The following ARHGAP22 variants were observed in gnomAD, a reference collection of about 807,000 sequenced individuals.
The protein encoded by ARHGAP22 is rho GTPase-activating protein 22.
In ARHGAP22, 48 loss-of-function variants were observed where a neutral mutation model predicts 59.1. The ratio of observed to expected loss-of-function variants is 0.81; its 90% CI spans 0.64 to 1.03. The LOEUF (loss-of-function observed/expected upper bound fraction) is 1.03, where lower values mean the gene tolerates loss of function less well. ARHGAP22 is among the 50% of genes least tolerant of loss of function. ARHGAP22 has a pLI of 0.00. For missense variants in ARHGAP22, 1,015 were observed against 958.7 expected (o/e 1.06, Z -0.78); for synonymous variants, 445 against 416.4 (o/e 1.07, Z -0.84).
intron 4 of ARHGAP22, 174 bp downstream of exon 4, chr10:48,479,462 C>A (rs1408998489): frequency 1.4e-5 from 16 of 1,175,336 alleles, no homozygotes. Flanking sequence ...TACACGGCAG[C>A]CGTTGGGTGA....
chr10:48,586,142 C>T (rs1025050186), intron 1 of ARHGAP22, among the ~76,000 whole-genome samples: 2 of 152,050 alleles, frequency 1.3e-5, no homozygotes, highest in Non-Finnish European at 2.9e-5. Flanking sequence ...ATGGACACAC[C>T]GTACATTGCT....
At chr10:48,544,838 C>T (rs964650611) in intron 3 of ARHGAP22, among the ~76,000 whole-genome samples, 2 of 152,106 alleles carry the variant, frequency 1.3e-5, no homozygotes, top group Non-Finnish European at 2.9e-5. Flanking sequence ...ATATATGTAT[C>T]AAAACATCAC....
In ARHGAP22 at chr10:48,459,665, C is replaced by G. The variant is rs1416729341; in HGVS notation, c.659+19G>C. The G allele has an allele frequency of 6.2e-7, 1 of 1,613,534 alleles. No homozygotes were observed. Among genetic ancestry groups the G allele is most frequent in the Non-Finnish European group, 8.5e-7 (1 of 1,179,478 alleles). ...GGAATGGACAAATGGCTCCACCTTACCCCCGATCACAAGCTCACCTGTCAA... is the reference window on the plus strand; with the variant it reads ...GGAATGGACAAATGGCTCCACCTTAGCCCCGATCACAAGCTCACCTGTCAA... On this transcript the variant is annotated intron_variant, in intron 5 of 9. Transcript: ENST00000249601.
At chr10:48,564,498 G>C (rs1434370881) in intron 2 of ARHGAP22, among the ~76,000 whole-genome samples, 1 of 152,204 alleles carries the variant, frequency 6.6e-6, no homozygotes, top group African/African-American at 2.4e-5. Flanking sequence ...TGGTGGGAAT[G>C]GTGAAGGAGC....
intron 3 of ARHGAP22, among the ~76,000 whole-genome samples, chr10:48,485,236 G>A (rs2049738064): frequency 6.6e-6 from 1 of 152,068 alleles, no homozygotes; most frequent in African/African-American, 2.4e-5. Context: ...GTTTCTTCCA[G>A]AGTTCAGTGC....
At chr10:48,559,759 T>G (rs545922973) in intron 2 of ARHGAP22, among the ~76,000 whole-genome samples, 1 of 152,342 alleles carries the variant, frequency 6.6e-6, no homozygotes, top group East Asian at 1.9e-4. Flanking sequence ...ATTTAACATA[T>G]TTATTTATAT....
intron 2 of ARHGAP22, among the ~76,000 whole-genome samples, chr10:48,581,353 T>C (rs568552781): frequency 6.6e-6 from 1 of 152,358 alleles, no homozygotes; most frequent in East Asian, 1.9e-4. Flanking sequence ...TCTCCCCAGT[T>C]TGCAAACTGT....
At chr10:48,648,911 G>A (rs2062432282) in intron 1 of ARHGAP22, among the ~76,000 whole-genome samples, 1 of 152,110 alleles carries the variant, frequency 6.6e-6, no homozygotes, top group Non-Finnish European at 1.5e-5. Flanking sequence ...GCCCATGGAT[G>A]TGACAGTGCT....
intron 1 of ARHGAP22, among the ~76,000 whole-genome samples, chr10:48,633,305 G>A (rs2061691215): frequency 6.6e-6 from 1 of 152,250 alleles, no homozygotes. Context: ...TGCAGTGACT[G>A]CATGCTGGAG....
intron 3 of ARHGAP22, among the ~76,000 whole-genome samples, chr10:48,519,085 C>T (rs1052617196): frequency 2.0e-5 from 3 of 152,046 alleles, no homozygotes; most frequent in Non-Finnish European, 4.4e-5. Flanking sequence ...ATGTGCAGGC[C>T]CCTAGGGACA....
Position 48,450,937 on chromosome 10 carries a change from C to G in ARHGAP22, c.1192G>C (p.Gly398Arg). 7 of 1,587,248 alleles carry G rather than the reference C, an allele frequency of 4.4e-6. No individual in the cohort carries two copies. Among genetic ancestry groups the G allele is most frequent in the Admixed American group, 1.8e-5 (1 of 56,630 alleles). Reference sequence around the variant, plus strand: ...CTGGAGAGCACCGCCACGGCCGCCCCGTCCAGGGAAGAGGTCCTGTGCGCG... The same window carrying G: ...CTGGAGAGCACCGCCACGGCCGCCCGGTCCAGGGAAGAGGTCCTGTGCGCG... ...LPAHRTSSLD[G>R]AAVAVLSRTA... Residue 398 changes from glycine (G) to arginine (R), a missense_variant, in exon 9 of 10, where the codon GGG becomes CGG. By Grantham distance (125) the Gly-to-Arg change is moderately radical. Coordinates refer to ENST00000249601, the MANE Select transcript of ARHGAP22 (RefSeq NM_021226.4).
In ARHGAP22 at chr10:48,460,697, C is replaced by T. The variant is rs373504074; in HGVS notation, c.452-806G>A. Among the ~76,000 whole-genome samples, 9 of 151,612 alleles carry T rather than the reference C, an allele frequency of 5.9e-5. No homozygotes were observed. The South Asian group carries it at 1.3e-3, about 21-fold the overall frequency. On this transcript the variant is annotated intron_variant, in intron 4 of 9. Transcript: ENST00000249601. ...CACCCATGTTCACAGCAGCATTATTCACAGTAGCTGAAATGCGGAAGCAAG... is the reference window on the plus strand; with the variant it reads ...CACCCATGTTCACAGCAGCATTATTTACAGTAGCTGAAATGCGGAAGCAAG...
chr10:48,506,808 C>T (rs1184598972), intron 3 of ARHGAP22, among the ~76,000 whole-genome samples: 1 of 152,138 alleles, frequency 6.6e-6, no homozygotes, highest in African/African-American at 2.4e-5. Context: ...TAGATGTTCT[C>T]GCATTCAAGC....
intron 3 of ARHGAP22, among the ~76,000 whole-genome samples, chr10:48,488,002 G>A (rs2050019008): frequency 1.3e-5 from 2 of 152,202 alleles, no homozygotes; most frequent in Admixed American, 6.5e-5. Context: ...GCAATGAGCT[G>A]TAATCATGCA....
chr10:48,539,349 T>C lies in ARHGAP22; in HGVS notation c.322+16114A>G, dbSNP rs540537498. 7.0e-4 allele frequency among the ~76,000 whole-genome samples: 99 copies of C among 141,148 alleles called. 1 individual carries two copies. In the Middle Eastern group the frequency reaches 0.011, roughly 16 times the overall value. 92.6% of individuals were successfully genotyped at this position (141,148 alleles called of 152,430 possible). On this transcript the variant is annotated intron_variant, in intron 3 of 9. Transcript: ENST00000249601. ...CTCTGTCGCCCAGGCTGGAGTGCAG[T>C]GGCGCGATCTCGGCTCACTGCAAGC... is the stretch of plus-strand genomic sequence containing the variant.
Position 48,604,947 on chromosome 10 carries a change from C to T in ARHGAP22, c.-151G>A. 6.5e-7 allele frequency: 1 copy of T among 1,530,604 alleles called. No individual in the cohort carries two copies. Among genetic ancestry groups the T allele is most frequent in the Non-Finnish European group, 8.8e-7 (1 of 1,142,234 alleles). 94.8% of individuals were successfully genotyped at this position (1,530,604 alleles called of 1,614,324 possible). ...ACCCGTCAGGCTCCCTCGGCTACCTCTCCTGGCTCCGGACGGACGGCTCGC... is the reference window on the plus strand; with the variant it reads ...ACCCGTCAGGCTCCCTCGGCTACCTTTCCTGGCTCCGGACGGACGGCTCGC... On this transcript the variant is annotated 5_prime_UTR_variant, in exon 1 of 10. Coordinates refer to ENST00000249601, the MANE Select transcript of ARHGAP22 (RefSeq NM_021226.4).
intron 1 of ARHGAP22, among the ~76,000 whole-genome samples, chr10:48,645,445 T>C (rs767913082): frequency 6.6e-6 from 1 of 152,244 alleles, no homozygotes; most frequent in African/African-American, 2.4e-5. Flanking sequence ...ATCCCAGGAA[T>C]GTAACATTAG....
rs148007343 is a variant in ARHGAP22 at position 48,494,720 on chromosome 10, C to CA, written c.323-14957dup. Among the ~76,000 whole-genome samples the CA allele has an allele frequency of 2.6e-3, 402 of 152,334 alleles. 2 individuals carry two copies. The highest frequency in any genetic ancestry group is 9.0e-3 in the African/African-American group (374 of 41,584). On this transcript the variant is annotated intron_variant, in intron 3 of 9. Transcript: ENST00000249601. ...CAAAGCACAACTGCTGGAAACCCTT[C>CA]AGAGGGCCTACTGTTCTTGGAATAA...
intron 1 of ARHGAP22, among the ~76,000 whole-genome samples, chr10:48,611,811 C>G (rs1377552008): frequency 1.9e-4 from 1 of 5,302 alleles, no homozygotes; most frequent in Non-Finnish European, 5.6e-4. Flanking sequence ...CCCTTCTCTT[C>G]CCTTCCCTTC....
Sources: gnomAD v4.1 joint callset for allele counts (sites outside exome capture counted in the v4.1 genomes callset) on GRCh38, gnomAD v4.1.1 for gene constraint, MANE v1.5 for transcripts, NCBI Gene and HGNC (gene_info 2026-07-23, HGNC 2026-07-21) for gene names.